The following PPM1E variants were observed in gnomAD, a reference collection of about 807,000 sequenced individuals.
The protein encoded by PPM1E is protein phosphatase, Mg2+/Mn2+ dependent 1E.
In PPM1E, 20 loss-of-function variants were observed where a neutral mutation model predicts 65.9. That is an observed-to-expected ratio of 0.30 (90% CI 0.21 to 0.44). The LOEUF is 0.44. Among genes scored for constraint, PPM1E ranks in the 20% least tolerant of loss-of-function variants. The pLI, the probability that PPM1E is intolerant of heterozygous loss-of-function variation, is 1.00. For synonymous variants in PPM1E, 352 were observed against 374.9 expected, an observed-to-expected ratio of 0.94 and a Z score of 0.70; for missense variants, 713 against 953.1, an observed-to-expected ratio of 0.75 and a Z score of 3.32.
At chr17:58,841,630 A>G (rs2050718968) in intron 1 of PPM1E, among the ~76,000 whole-genome samples, 1 of 151,582 alleles carries the variant, frequency 6.6e-6, no homozygotes, top group African/African-American at 2.4e-5. Flanking sequence ...GGTTCAAGCA[A>G]TTCTCCTGCC....
chr17:58,864,498 G>A lies in PPM1E; in HGVS notation c.465-91151G>A, dbSNP rs566177399. Among the ~76,000 whole-genome samples, 10 of 151,946 alleles carry A rather than the reference G, an allele frequency of 6.6e-5. No individual in the cohort carries two copies. In the East Asian group the frequency reaches 1.9e-3, roughly 29 times the overall value. On this transcript the variant is annotated intron_variant, in intron 1 of 6. Transcript: ENST00000308249. ...GTAATAAAAATACAAAAATTAGCCA[G>A]GTGTGGTGGCTTGCGCCTGTAAGTC...
At chr17:58,953,867 C>G (rs993193460) in intron 1 of PPM1E, among the ~76,000 whole-genome samples, 1 of 151,896 alleles carries the variant, frequency 6.6e-6, no homozygotes, top group African/African-American at 2.4e-5. Context: ...CTTGCCTCAG[C>G]CTTCCGAGCA....
At chr17:58,786,650 A>G (rs1209070435) in intron 1 of PPM1E, among the ~76,000 whole-genome samples, 1 of 152,190 alleles carries the variant, frequency 6.6e-6, no homozygotes, top group Non-Finnish European at 1.5e-5. Context: ...TTTCCATTAA[A>G]TATTTTTGGA....
chr17:58,844,537 A>G (rs1239882739), intron 1 of PPM1E, among the ~76,000 whole-genome samples: 1 of 152,224 alleles, frequency 6.6e-6, no homozygotes, highest in Non-Finnish European at 1.5e-5. Context: ...TTGTAAAGAA[A>G]TAGTGACTGT....
chr17:58,853,644 A>G (rs904737742), intron 1 of PPM1E, among the ~76,000 whole-genome samples: 2 of 152,174 alleles, frequency 1.3e-5, no homozygotes, highest in Non-Finnish European at 2.9e-5. Flanking sequence ...CCTGGCCAAC[A>G]TGGTGAAATG....
chr17:58,756,060 G>A lies in PPM1E; in HGVS notation c.63G>A (p.Glu21=), dbSNP rs1202976299. Residue 21 remains glutamate, a synonymous_variant, in exon 1 of 7, where the codon GAG becomes GAA. Transcript: ENST00000308249. ...YRRFLELFLG[E]FRGPCGGGEP... is the part of the protein sequence containing the mutation. ...GCTTCCTGGAGCTATTCCTGGGCGA[G>A]TTTCGCGGACCGTGCGGCGGCGGCG... 4 of 1,613,842 alleles carry A rather than the reference G, an allele frequency of 2.5e-6. No homozygotes were observed. Among genetic ancestry groups the A allele is most frequent in the East Asian group, 2.2e-5 (1 of 44,866 alleles).
Position 58,852,611 on chromosome 17 carries a change from G to GT in PPM1E, c.464+96161dup, listed in dbSNP as rs112904822. Among the ~76,000 whole-genome samples, 963 of 128,832 alleles carry GT rather than the reference G, an allele frequency of 7.5e-3. 5 individuals carry two copies. The highest frequency in any genetic ancestry group is 0.011 in the African/African-American group (393 of 35,346). The allele number at this position is 128,832 out of a possible 152,430, so 84.5% of individuals were successfully genotyped here. On this transcript the variant is annotated intron_variant, in intron 1 of 6. Coordinates refer to ENST00000308249, the MANE Select transcript of PPM1E (RefSeq NM_014906.5). ...GTATCTTCTTTTTTTGTTTTTTTTT[G>GT]TTTTTTTTTTTGAGATGGAGTCTCA...
intron 1 of PPM1E, among the ~76,000 whole-genome samples, chr17:58,856,943 T>C (rs566078614): frequency 6.6e-6 from 1 of 152,356 alleles, no homozygotes; most frequent in East Asian, 1.9e-4. Flanking sequence ...GAAGTTTTTT[T>C]AAGATTAAAA....
chr17:58,877,343 C>G (rs1221372645), intron 1 of PPM1E, among the ~76,000 whole-genome samples: 1 of 152,110 alleles, frequency 6.6e-6, no homozygotes, highest in Non-Finnish European at 1.5e-5. Context: ...AAATTCTCTT[C>G]TTTAATTCCT....
chr17:58,814,761 A>G (rs978001987), intron 1 of PPM1E, among the ~76,000 whole-genome samples: 2 of 152,246 alleles, frequency 1.3e-5, no homozygotes, highest in African/African-American at 4.8e-5. Flanking sequence ...CCTTGCTGTT[A>G]TAGCACAAAA....
chr17:58,979,937 A>C, intron 6 of PPM1E, 37 bp from the exon 7 acceptor site: 1 of 1,529,962 alleles, frequency 6.5e-7, no homozygotes, highest in East Asian at 2.3e-5. Flanking sequence ...AAGGTAAAAC[A>C]AATGCTAATG....
chr17:58,969,165 C>G (rs2030438851), intron 3 of PPM1E, among the ~76,000 whole-genome samples: 1 of 152,130 alleles, frequency 6.6e-6, no homozygotes, highest in Non-Finnish European at 1.5e-5. Flanking sequence ...CAATCTGGAG[C>G]TGCTTTTGTT....
At chr17:58,900,378 C>G (rs959895415) in intron 1 of PPM1E, among the ~76,000 whole-genome samples, 1 of 152,202 alleles carries the variant, frequency 6.6e-6, no homozygotes, top group African/African-American at 2.4e-5. Flanking sequence ...CCACCTTGAT[C>G]AGTCAGCAGC....
chr17:58,798,268 G>T (rs1311113720), intron 1 of PPM1E, among the ~76,000 whole-genome samples: 6 of 130,052 alleles, frequency 4.6e-5, no homozygotes, highest in Admixed American at 8.6e-5. Flanking sequence ...TCGTTCTGTT[G>T]CCCAGGCTGG....
chr17:58,968,893 C>T (rs1313565922), intron 3 of PPM1E, among the ~76,000 whole-genome samples: 1 of 152,124 alleles, frequency 6.6e-6, no homozygotes, highest in Non-Finnish European at 1.5e-5. Flanking sequence ...AGTGGTCAGC[C>T]GCACAGGGCA....
At chr17:58,921,951 A>G (rs2051757222) in intron 1 of PPM1E, among the ~76,000 whole-genome samples, 1 of 151,336 alleles carries the variant, frequency 6.6e-6, no homozygotes, top group African/African-American at 2.4e-5. Context: ...GAGGCAGGAG[A>G]ATTGCTTGAA....
chr17:58,848,637 T>G (rs2050794609), intron 1 of PPM1E, among the ~76,000 whole-genome samples: 1 of 152,226 alleles, frequency 6.6e-6, no homozygotes, highest in Non-Finnish European at 1.5e-5. Context: ...TTAATCATGG[T>G]GGATAAGCTT....
intron 1 of PPM1E, among the ~76,000 whole-genome samples, chr17:58,924,918 T>A (rs1428020614): frequency 6.6e-6 from 1 of 152,182 alleles, no homozygotes; most frequent in Admixed American, 6.6e-5. Flanking sequence ...CATTCCTTTT[T>A]ATGGTTGCAT....
chr17:58,815,694 T>C (rs567183997), intron 1 of PPM1E, among the ~76,000 whole-genome samples: 8 of 152,312 alleles, frequency 5.3e-5, no homozygotes, highest in Non-Finnish European at 1.2e-4. Context: ...TTGACATTGC[T>C]TTTGAGTCTT....
Sources: gnomAD v4.1 joint callset for allele counts (sites outside exome capture counted in the v4.1 genomes callset) on GRCh38, gnomAD v4.1.1 for gene constraint, MANE v1.5 for transcripts, NCBI Gene and HGNC (gene_info 2026-07-23, HGNC 2026-07-21) for gene names.